The following GALNT17 variants were observed in gnomAD, a reference collection of about 807,000 sequenced individuals.
GALNT17 encodes UDP-GalNAc:polypeptide N-acetylgalactosaminyltransferase-like 3.
Under a neutral mutation model 63.7 loss-of-function variants are expected in GALNT17, and 29 were observed. That is an observed-to-expected ratio of 0.46 (90% confidence interval 0.34 to 0.62). The LOEUF (loss-of-function observed/expected upper bound fraction) is 0.62, where lower values mean the gene tolerates loss of function less well. GALNT17 is among the 20% of genes least tolerant of loss of function. GALNT17 has a pLI of 0.01. For missense variants in GALNT17, 603 were observed against 799.6 expected (o/e 0.75, Z 2.97); for synonymous variants, 305 against 318.3 (o/e 0.96, Z 0.45).
intron 1 of GALNT17, among the ~76,000 whole-genome samples, chr7:71,223,057 GGA>G (rs1358907855): frequency 6.6e-6 from 1 of 152,092 alleles, no homozygotes; most frequent in Admixed American, 6.6e-5. Flanking sequence ...TGGGCAACAG[GGA>G]GAGACCACCT....
At chr7:71,544,478 CT>C (rs1360237642) in intron 5 of GALNT17, among the ~76,000 whole-genome samples, 1 of 152,070 alleles carries the variant, frequency 6.6e-6, no homozygotes, top group African/African-American at 2.4e-5. Context: ...AGGATAAAGT[CT>C]GCAATAATAG....
At chr7:71,348,072 C>G (rs372933812) in intron 2 of GALNT17, among the ~76,000 whole-genome samples, 6 of 152,016 alleles carry the variant, frequency 3.9e-5, no homozygotes, top group African/African-American at 1.4e-4. Context: ...ACCAGCCTGG[C>G]CAACATGGTG....
chr7:71,576,487 C>T (rs1584063275), intron 6 of GALNT17, among the ~76,000 whole-genome samples: 1 of 151,138 alleles, frequency 6.6e-6, no homozygotes, highest in South Asian at 2.1e-4. Context: ...TACAAGTGTT[C>T]CTGTTCTCTG....
At chr7:71,348,306 G>T (rs1268918012) in intron 2 of GALNT17, among the ~76,000 whole-genome samples, 1 of 152,000 alleles carries the variant, frequency 6.6e-6, no homozygotes, top group Non-Finnish European at 1.5e-5. Flanking sequence ...AACTGTGTAA[G>T]AAAGAATTCC....
chr7:71,563,262 C>T (rs1167674710), intron 5 of GALNT17, among the ~76,000 whole-genome samples: 2 of 152,242 alleles, frequency 1.3e-5, no homozygotes, highest in East Asian at 1.9e-4. Context: ...TGGAGACTCA[C>T]GTTCTCTGAT....
At chr7:71,554,643 G>A (rs1012913611) in intron 5 of GALNT17, among the ~76,000 whole-genome samples, 4 of 152,106 alleles carry the variant, frequency 2.6e-5, no homozygotes, top group Non-Finnish European at 4.4e-5. Flanking sequence ...CCCATAGCAC[G>A]CTGCAAGACA....
chr7:71,173,372 A>T (rs1205580798), intron 1 of GALNT17, among the ~76,000 whole-genome samples: 1 of 152,182 alleles, frequency 6.6e-6, no homozygotes. Flanking sequence ...ATATTGTGAT[A>T]AGGTGATGGG....
chr7:71,684,018 A>C (rs1345674829), intron 9 of GALNT17, among the ~76,000 whole-genome samples: 2 of 151,634 alleles, frequency 1.3e-5, no homozygotes, highest in East Asian at 1.9e-4. Context: ...CAAAAAAAAA[A>C]AAAAAAAACA....
At chr7:71,281,342 A>G (rs1156776100) in intron 1 of GALNT17, among the ~76,000 whole-genome samples, 2 of 152,144 alleles carry the variant, frequency 1.3e-5, no homozygotes, top group Non-Finnish European at 2.9e-5. Context: ...CTGTTTCTAT[A>G]ATTTTTTTAA....
intron 1 of GALNT17, among the ~76,000 whole-genome samples, chr7:71,166,403 T>A (rs1217333863): frequency 6.6e-6 from 1 of 152,184 alleles, no homozygotes; most frequent in Non-Finnish European, 1.5e-5. Context: ...TTTGATAAGC[T>A]TTGACATATG....
intron 1 of GALNT17, among the ~76,000 whole-genome samples, chr7:71,208,841 C>T (rs1789322696): frequency 6.6e-6 from 1 of 152,000 alleles, no homozygotes; most frequent in Non-Finnish European, 1.5e-5. Flanking sequence ...ATATGGGCTT[C>T]CAGGAATGGA....
chr7:71,503,944 A>G (rs1191275807), intron 5 of GALNT17, among the ~76,000 whole-genome samples: 1 of 152,142 alleles, frequency 6.6e-6, no homozygotes, highest in South Asian at 2.1e-4. Context: ...AAATACAAAA[A>G]ATGGCCAGGC....
chr7:71,512,418 G>A (rs1214874056), intron 5 of GALNT17, among the ~76,000 whole-genome samples: 2 of 152,138 alleles, frequency 1.3e-5, no homozygotes, highest in Non-Finnish European at 2.9e-5. Context: ...GGGTGGACAT[G>A]CCCTGACTTC....
At chr7:71,523,021 T>C (rs1788555753) in intron 5 of GALNT17, among the ~76,000 whole-genome samples, 2 of 151,894 alleles carry the variant, frequency 1.3e-5, no homozygotes, top group South Asian at 4.1e-4. Flanking sequence ...TCCTGGGCAA[T>C]GTAGCGAGAC....
intron 3 of GALNT17, among the ~76,000 whole-genome samples, chr7:71,412,914 G>A (rs1249570560): frequency 2.0e-5 from 3 of 152,016 alleles, no homozygotes; most frequent in Non-Finnish European, 4.4e-5. Context: ...ATGGTGGCAG[G>A]CACCTGTAGT....
At chr7:71,191,364 T>TTTG (rs1477757110) in intron 1 of GALNT17, among the ~76,000 whole-genome samples, 3 of 152,022 alleles carry the variant, frequency 2.0e-5, no homozygotes, top group Admixed American at 6.6e-5. Context: ...TTTTTTTTTT[T>TTTG]TGCATTTTTC....
intron 6 of GALNT17, among the ~76,000 whole-genome samples, chr7:71,648,950 G>A (rs1562722219): frequency 1.3e-5 from 2 of 152,234 alleles, no homozygotes; most frequent in African/African-American, 2.4e-5. Context: ...AAAAGGGTTT[G>A]TGGAAAGCAT....
At chr7:71,291,802 C>T (rs1232441577) in intron 1 of GALNT17, among the ~76,000 whole-genome samples, 1 of 152,046 alleles carries the variant, frequency 6.6e-6, no homozygotes, top group Non-Finnish European at 1.5e-5. Context: ...CTGTTATGAA[C>T]TTGATTTTCT....
chr7:71,561,387 T>G (rs1789253599), intron 5 of GALNT17, among the ~76,000 whole-genome samples: 1 of 152,176 alleles, frequency 6.6e-6, no homozygotes, highest in African/African-American at 2.4e-5. Flanking sequence ...CACTCAGTAC[T>G]GATTATACCT....
Sources: allele counts gnomAD v4.1 joint callset (sites outside exome capture counted in the v4.1 genomes callset), GRCh38; gene constraint gnomAD v4.1.1; transcripts MANE v1.5; gene names NCBI Gene and HGNC (gene_info 2026-07-23, HGNC 2026-07-21).